Variants in CLVS1 observed in about 807,000 individuals in gnomAD.
CLVS1 encodes the protein clavesin-1.
In CLVS1, 10 loss-of-function variants were observed where a neutral mutation model predicts 33.1. That is an observed-to-expected ratio of 0.30 (90% CI 0.19 to 0.51). The LOEUF is 0.51. CLVS1 is among the 20% of genes least tolerant of loss of function. CLVS1 has a pLI of 0.97. For synonymous variants in CLVS1, 163 were observed against 166.1 expected, an observed-to-expected ratio of 0.98 and a Z score of 0.14; for missense variants, 343 against 433.4, an observed-to-expected ratio of 0.79 and a Z score of 1.85.
Position 61,083,905 on chromosome 8 carries a change from T to C in CLVS1, c.-243+26675T>C, listed in dbSNP as rs535351877. Among the ~76,000 whole-genome samples, 21 of 152,300 alleles carry C rather than the reference T, an allele frequency of 1.4e-4. No homozygotes were observed. In the South Asian group the frequency reaches 4.4e-3, roughly 32 times the overall value. On this transcript the variant is annotated intron_variant, in intron 1 of 2. Coordinates refer to the CLVS1 transcript ENST00000522621. ...GATTGGGTGGGGCGAAATAAAGATG[T>C]ACATTTACTATATTCTGGTAAATTT...
intron 1 of CLVS1, among the ~76,000 whole-genome samples, chr8:61,297,026 G>C (rs1585764937): frequency 1.3e-5 from 2 of 152,304 alleles, no homozygotes; most frequent in East Asian, 3.9e-4. Flanking sequence ...CTTCTGAAGG[G>C]CAAAGAGGAG....
At chr8:61,485,762 G>C (rs61217047) in intron 5 of CLVS1, among the ~76,000 whole-genome samples, 2,484 of 152,304 alleles carry the variant, frequency 0.016, 66 homozygotes, top group African/African-American at 0.057. Flanking sequence ...ATACTATGCA[G>C]CCATAAAAAA....
chr8:61,240,016 C>T (rs1247911884), intron 2 of CLVS1, among the ~76,000 whole-genome samples: 6 of 152,246 alleles, frequency 3.9e-5, no homozygotes, highest in Non-Finnish European at 7.3e-5. Flanking sequence ...AGCCACTAGA[C>T]GAACTCACTT....
At chr8:61,040,253 AC>A in the CLVS1 span, among the ~76,000 whole-genome samples, 29,488 of 152,146 alleles carry the variant, frequency 0.19, 3,903 homozygotes, top group African/African-American at 0.37. Flanking sequence ...ATTGATGTGC[AC>A]CTGGATTGAT....
At chr8:61,141,702 T>A (rs1332830793) in intron 2 of CLVS1, among the ~76,000 whole-genome samples, 1 of 152,222 alleles carries the variant, frequency 6.6e-6, no homozygotes, top group Non-Finnish European at 1.5e-5. Context: ...TTGTACAGAA[T>A]ATCAGGATTG....
intron 5 of CLVS1, among the ~76,000 whole-genome samples, chr8:61,490,457 A>G (rs1430327590): frequency 7.9e-5 from 12 of 150,982 alleles, no homozygotes; most frequent in African/African-American, 2.9e-4. Context: ...TCACCAGGTC[A>G]AGAGATTGAG....
At chr8:61,399,623 G>C (rs1000776271) in intron 3 of CLVS1, among the ~76,000 whole-genome samples, 1 of 152,130 alleles carries the variant, frequency 6.6e-6, no homozygotes, top group Non-Finnish European at 1.5e-5. Flanking sequence ...CCTATGTCCT[G>C]AATGGTATTG....
At chr8:61,198,089 T>G (rs536486717) in intron 2 of CLVS1, among the ~76,000 whole-genome samples, 1 of 148,804 alleles carries the variant, frequency 6.7e-6, no homozygotes, top group East Asian at 2.0e-4. Context: ...TGTGTGCAGA[T>G]AGTTGTTAAA....
chr8:61,202,437 T>C, intron 2 of CLVS1: 1 of 781,850 alleles, frequency 1.3e-6, no homozygotes, highest in Non-Finnish European at 2.3e-6. Flanking sequence ...ACAAAGATTG[T>C]CACTTTAAGG....
intron 2 of CLVS1, among the ~76,000 whole-genome samples, chr8:61,367,778 C>T (rs541903394): frequency 1.3e-5 from 2 of 152,278 alleles, no homozygotes; most frequent in Admixed American, 6.5e-5. Context: ...CAGACTCTGC[C>T]GAACTCTAAA....
chr8:61,385,361 T>C (rs1814040409), intron 3 of CLVS1, among the ~76,000 whole-genome samples: 1 of 152,180 alleles, frequency 6.6e-6, no homozygotes, highest in African/African-American at 2.4e-5. Context: ...TTAGCAGAAA[T>C]AGAGACTATT....
chr8:61,162,205 C>T lies in CLVS1; in HGVS notation c.-152+30345C>T, dbSNP rs75460866. ...TTGCCTATATTCCCCTCATTTTCTT[C>T]TCCCCTATGAAGAAGATAGTTTAGC... On this transcript the variant is annotated intron_variant, in intron 2 of 2. Transcript: ENST00000522621. Among the ~76,000 whole-genome samples the T allele has an allele frequency of 5.4e-3, 823 of 152,316 alleles. 7 individuals are homozygous for T. The highest frequency in any genetic ancestry group is 0.019 in the African/African-American group (777 of 41,566).
intron 2 of CLVS1, among the ~76,000 whole-genome samples, chr8:61,164,503 AC>A (rs1806815946): frequency 6.6e-6 from 1 of 152,142 alleles, no homozygotes; most frequent in East Asian, 1.9e-4. Context: ...CATCTGTCTG[AC>A]AACATGGCCG....
chr8:61,210,346 A>G (rs1807946406), intron 2 of CLVS1, among the ~76,000 whole-genome samples: 2 of 152,216 alleles, frequency 1.3e-5, no homozygotes, highest in South Asian at 4.1e-4. Flanking sequence ...GAAACTGCCG[A>G]TGTCTTGGTC....
chr8:61,378,076 A>G (rs1417940874), intron 3 of CLVS1: 1 of 152,196 alleles, frequency 6.6e-6, no homozygotes, highest in Non-Finnish European at 1.5e-5. Context: ...CTCTCTTTAA[A>G]GCTTTTATCA....
At chr8:61,306,691 A>G (rs1810638844) in intron 2 of CLVS1, among the ~76,000 whole-genome samples, 1 of 152,204 alleles carries the variant, frequency 6.6e-6, no homozygotes, top group South Asian at 2.1e-4. Context: ...GATCATGTGA[A>G]CATTCTAGTT....
chr8:61,221,615 C>T (rs1014282681), intron 2 of CLVS1, among the ~76,000 whole-genome samples: 2 of 152,100 alleles, frequency 1.3e-5, no homozygotes. Flanking sequence ...TTTGCATCGA[C>T]ATTCATCAAG....
chr8:61,182,402 G>C (rs903094908), intron 2 of CLVS1, among the ~76,000 whole-genome samples: 1 of 152,070 alleles, frequency 6.6e-6, no homozygotes, highest in African/African-American at 2.4e-5. Context: ...GCAACCTACA[G>C]AATGAGAGAA....
chr8:61,228,682 A>G (rs991434000), intron 2 of CLVS1, among the ~76,000 whole-genome samples: 4 of 152,218 alleles, frequency 2.6e-5, no homozygotes, highest in Non-Finnish European at 4.4e-5. Context: ...TTCACTTAAT[A>G]TAATGTCCTC....
Sources: allele counts gnomAD v4.1 joint callset (sites outside exome capture counted in the v4.1 genomes callset), GRCh38; gene constraint gnomAD v4.1.1; transcripts MANE v1.5; gene names NCBI Gene and HGNC (gene_info 2026-07-23, HGNC 2026-07-21).